LRP2: variants seen among roughly 807,000 people sequenced by gnomAD.
LRP2 encodes the protein low-density lipoprotein receptor-related protein 2.
LRP2 carries 172 observed loss-of-function variants against 531.0 expected under a neutral mutation model. The observed-to-expected ratio is 0.32, with a 90% CI of 0.29 to 0.37. The LOEUF is 0.37. Among genes scored for constraint, LRP2 ranks in the 10% least tolerant of loss-of-function variants. The pLI is 1.00. For missense variants in LRP2, 5,167 were observed against 5,868.3 expected, an observed-to-expected ratio of 0.88 and a Z score of 3.90; for synonymous variants, 1,992 against 2,027.6, an observed-to-expected ratio of 0.98 and a Z score of 0.47.
At chr2:169,154,706 A>T (rs1686270874) in intron 65 of LRP2, 103 bp from the exon 66 acceptor site, 3 of 1,026,390 alleles carry the variant, frequency 2.9e-6, no homozygotes, top group Non-Finnish European at 4.6e-6. Flanking sequence ...TTTAAAGAAC[A>T]TGAGTTTTTA....
chr2:169,297,154 T>C (rs1176020043), intron 4 of LRP2, among the ~76,000 whole-genome samples: 7 of 152,140 alleles, frequency 4.6e-5, no homozygotes, highest in Non-Finnish European at 8.8e-5. Context: ...AGACAACAGG[T>C]CCAAACTGTC....
At position 169,259,187 on chromosome 2, in the gene LRP2, T is replaced by G. The variant is rs1438196627; in HGVS notation, c.2351A>C (p.Glu784Ala). ...GREILAANRV[E>A]NVESLAFDWI... The stretch of plus-strand genomic sequence containing the variant: ...ATCAAAAGCCAAACTTTCAACATTT[T>G]CCACCCTGTTAGCTGCGAGAATTTC... Residue 784 changes from glutamate to alanine, a missense_variant, in exon 17 of 79, where the codon GAA (glutamate) becomes GCA (alanine). Glu to Ala is a moderately radical substitution (Grantham distance 107, BLOSUM62 -1). This residue lies in a region of LRP2 where 2,811 missense variants were observed against 3,058.0 expected (regional missense o/e 0.92). Coordinates refer to ENST00000649046, the MANE Select transcript of LRP2 (RefSeq NM_004525.3). 3.7e-6 allele frequency: 6 copies of G among 1,613,298 alleles called. No individual in the cohort carries two copies. The highest frequency in any genetic ancestry group is 5.1e-6 in the Non-Finnish European group (6 of 1,179,522).
Position 169,154,453 on chromosome 2 carries a change from T to C in LRP2, c.12295+7A>G, listed in dbSNP as rs767362906. On this transcript the variant is annotated splice_region_variant and intron_variant, in intron 66 of 78. Coordinates refer to ENST00000649046, the MANE Select transcript of LRP2 (RefSeq NM_004525.3). Reference sequence around the variant, plus strand: ...TATCAATGAAAGATGCCAAAGTTTATACTCACTGAGGCCTATGTCCTTGGG... The same window carrying C: ...TATCAATGAAAGATGCCAAAGTTTACACTCACTGAGGCCTATGTCCTTGGG... The C allele has an allele frequency of 6.2e-7, 1 of 1,611,114 alleles. No individual in the cohort carries two copies. The highest frequency in any genetic ancestry group is 1.1e-5 in the South Asian group (1 of 91,012).
At chr2:169,355,704 A>G (rs1291735971) in intron 1 of LRP2, among the ~76,000 whole-genome samples, 1 of 152,204 alleles carries the variant, frequency 6.6e-6, no homozygotes, top group Non-Finnish European at 1.5e-5. Flanking sequence ...ATCAAAGGAG[A>G]ACATGTTTAA....
intron 31 of LRP2, among the ~76,000 whole-genome samples, chr2:169,229,424 A>C (rs1366246733): frequency 6.6e-6 from 1 of 152,168 alleles, no homozygotes; most frequent in African/African-American, 2.4e-5. Flanking sequence ...TCAGCACTGC[A>C]GCCTTCCCTG....
chr2:169,361,743 T>C (rs2105593830), intron 1 of LRP2, among the ~76,000 whole-genome samples: 2 of 152,236 alleles, frequency 1.3e-5, no homozygotes, highest in South Asian at 4.1e-4. Flanking sequence ...CCTCAGCCAC[T>C]CTCTCGGCCA....
chr2:169,318,086 TAATAAAATAAAAATA>T (rs1684813885), intron 3 of LRP2, among the ~76,000 whole-genome samples: 2 of 151,988 alleles, frequency 1.3e-5, no homozygotes, highest in South Asian at 4.2e-4. Flanking sequence ...CTAAAAATAA[TAATAAAATAAAAATA>T]AATAAAATAA....
intron 33 of LRP2, among the ~76,000 whole-genome samples, chr2:169,223,598 G>A (rs1689092779): frequency 6.6e-6 from 1 of 152,144 alleles, no homozygotes; most frequent in Admixed American, 6.5e-5. Context: ...AAACCAGTCT[G>A]GATTGCCGGA....
At chr2:169,308,319 C>A (rs890832833) in intron 3 of LRP2, among the ~76,000 whole-genome samples, 17 of 151,858 alleles carry the variant, frequency 1.1e-4, no homozygotes, top group African/African-American at 2.7e-4. Context: ...GGTGTGCTGC[C>A]CCCATTAACT....
At chr2:169,245,812 A>G (rs1420223089) in intron 21 of LRP2, among the ~76,000 whole-genome samples, 4 of 152,156 alleles carry the variant, frequency 2.6e-5, no homozygotes, top group Non-Finnish European at 5.9e-5. Flanking sequence ...CTGTGATACT[A>G]TTCTCTCGGT....
intron 1 of LRP2, among the ~76,000 whole-genome samples, chr2:169,355,402 G>A (rs1467055747): frequency 6.6e-6 from 1 of 152,036 alleles, no homozygotes; most frequent in Non-Finnish European, 1.5e-5. Context: ...TGTTATTTTT[G>A]CATCCCAGCC....
At chr2:169,330,900 T>G (rs1199241913) in intron 1 of LRP2, among the ~76,000 whole-genome samples, 1 of 151,950 alleles carries the variant, frequency 6.6e-6, no homozygotes, top group Non-Finnish European at 1.5e-5. Context: ...ATAATAAAAT[T>G]TCTTAAACAG....
chr2:169,305,885 C>T (rs1305537819), intron 4 of LRP2, among the ~76,000 whole-genome samples: 2 of 152,024 alleles, frequency 1.3e-5, no homozygotes, highest in East Asian at 1.9e-4. Flanking sequence ...TAGTATTTAG[C>T]ACGGGAACAT....
chr2:169,300,713 G>T (rs1458218120), intron 4 of LRP2, among the ~76,000 whole-genome samples: 1 of 152,072 alleles, frequency 6.6e-6, no homozygotes, highest in Non-Finnish European at 1.5e-5. Flanking sequence ...TCAATTGTGA[G>T]AATGCTAAAA....
At chr2:169,245,830 T>C (rs570560380) in intron 21 of LRP2, among the ~76,000 whole-genome samples, 2 of 152,242 alleles carry the variant, frequency 1.3e-5, no homozygotes, top group East Asian at 1.9e-4. Flanking sequence ...GGTTGCTAAA[T>C]GTTAGGTCTA....
intron 63 of LRP2, among the ~76,000 whole-genome samples, chr2:169,158,056 TTA>T (rs143892285): frequency 6.8e-5 from 6 of 87,858 alleles, no homozygotes; most frequent in Admixed American, 6.3e-4. Flanking sequence ...GACCAATTGA[TTA>T]TATACACACA....
intron 16 of LRP2, among the ~76,000 whole-genome samples, chr2:169,264,280 A>G (rs1395450221): frequency 6.6e-6 from 1 of 151,920 alleles, no homozygotes; most frequent in Non-Finnish European, 1.5e-5. Context: ...AAATTAAAAA[A>G]AGGTAGGTTG....
At chr2:169,147,099 T>C (rs906038577) in intron 68 of LRP2, 140 bp from the exon 69 acceptor site, 2 of 714,474 alleles carry the variant, frequency 2.8e-6, no homozygotes, top group African/African-American at 3.5e-5. Flanking sequence ...TTTTATATTT[T>C]ACAGAAGATG....
intron 16 of LRP2, among the ~76,000 whole-genome samples, chr2:169,266,874 G>A (rs1293564672): frequency 7.4e-6 from 1 of 135,914 alleles, no homozygotes; most frequent in African/African-American, 2.7e-5. Flanking sequence ...ATACACACAC[G>A]TTTGTAACCT....
Sources: allele counts gnomAD v4.1 joint callset (sites outside exome capture counted in the v4.1 genomes callset), GRCh38; gene constraint gnomAD v4.1.1; regional missense constraint gnomAD v4.1.1; transcripts MANE v1.5; gene names NCBI Gene and HGNC (gene_info 2026-07-23, HGNC 2026-07-21).